CORO2B: variants seen among roughly 807,000 people sequenced by gnomAD.
The protein encoded by CORO2B is coronin 2B, also known as coronin-2B.
A neutral mutation model predicts 58.8 loss-of-function variants in CORO2B; 26 were observed. That is an observed-to-expected ratio of 0.44 (90% CI 0.32 to 0.61). CORO2B has a LOEUF of 0.61. Ranked by LOEUF, CORO2B falls within the 20% of genes least tolerant of loss-of-function variation. CORO2B has a pLI of 0.04. For synonymous variants in CORO2B, 242 were observed against 253.8 expected (o/e 0.95, Z 0.44); for missense variants, 460 against 645.1 (o/e 0.71, Z 3.11).
chr15:68,578,030 C>T (rs1899322732), upstream of CORO2B, among the ~76,000 whole-genome samples: 1 of 152,210 alleles, frequency 6.6e-6, no homozygotes, highest in African/African-American at 2.4e-5. The surrounding 1 kb of genome is among the most constrained non-coding windows in gnomAD (Gnocchi z 4.2). Context: ...TCCACCCTCT[C>T]CGCGGTTCTG....
chr15:68,696,229 G>A (rs1178738104), intron 3 of CORO2B, among the ~76,000 whole-genome samples: 5 of 147,846 alleles, frequency 3.4e-5, no homozygotes, highest in Non-Finnish European at 7.4e-5. Flanking sequence ...CAGCTTGGGT[G>A]ACAGAATGAG....
chr15:68,701,237 C>T (rs1348187719), intron 3 of CORO2B, among the ~76,000 whole-genome samples: 1 of 151,440 alleles, frequency 6.6e-6, no homozygotes, highest in Non-Finnish European at 1.5e-5. Context: ...GCTCAGGAGT[C>T]CCTTAGGCCT....
At chr15:68,694,300 A>G (rs1269617185) in intron 2 of CORO2B, among the ~76,000 whole-genome samples, 1 of 152,230 alleles carries the variant, frequency 6.6e-6, no homozygotes, top group African/African-American at 2.4e-5. Context: ...TCTCTTCACT[A>G]AGTGCTTTGC....
At chr15:68,621,145 C>T (rs1464021569) in intron 1 of CORO2B, among the ~76,000 whole-genome samples, 1 of 152,040 alleles carries the variant, frequency 6.6e-6, no homozygotes, top group Non-Finnish European at 1.5e-5. Context: ...GTGTAGGGAC[C>T]CTCAAGGCCA....
At chr15:68,554,704 C>T in the CORO2B span, among the ~76,000 whole-genome samples, 6 of 152,208 alleles carry the variant, frequency 3.9e-5, no homozygotes, top group Non-Finnish European at 8.8e-5. Context: ...GTTCTCACTT[C>T]ATTATACATG....
At chr15:68,571,318 G>A in the CORO2B span, among the ~76,000 whole-genome samples, 1 of 152,196 alleles carries the variant, frequency 6.6e-6, no homozygotes, top group Non-Finnish European at 1.5e-5. Context: ...GAACTGCAGA[G>A]GCAAGGAGAT....
the CORO2B span, among the ~76,000 whole-genome samples, chr15:68,546,825 C>T: frequency 2.6e-5 from 4 of 152,298 alleles, no homozygotes; most frequent in African/African-American, 9.6e-5. Context: ...CCTCTGTTCA[C>T]TCCATCTCCT....
chr15:68,705,968 C>A (rs1161691650), intron 3 of CORO2B, among the ~76,000 whole-genome samples: 1 of 152,220 alleles, frequency 6.6e-6, no homozygotes, highest in Non-Finnish European at 1.5e-5. Flanking sequence ...CACAGCCCCC[C>A]ATGTGACTCT....
chr15:68,675,495 G>A (rs1902551517), intron 2 of CORO2B, among the ~76,000 whole-genome samples: 2 of 152,186 alleles, frequency 1.3e-5, no homozygotes, highest in Admixed American at 1.3e-4. Flanking sequence ...GAGGTAGGAG[G>A]TGAAGTTGTA....
the CORO2B span, among the ~76,000 whole-genome samples, chr15:68,561,498 A>AG: frequency 7.9e-5 from 12 of 152,100 alleles, no homozygotes; most frequent in African/African-American, 2.9e-4. Flanking sequence ...GGACAGGTAG[A>AG]GGGTCCCCGG....
chr15:68,691,030 T>C (rs1276110216), intron 2 of CORO2B, among the ~76,000 whole-genome samples: 1 of 151,870 alleles, frequency 6.6e-6, no homozygotes, highest in Non-Finnish European at 1.5e-5. Context: ...TTGATGTCTC[T>C]ATAGAAAACT....
At chr15:68,574,893 G>C (rs1005092384), upstream of CORO2B, among the ~76,000 whole-genome samples, 2 of 152,186 alleles carry the variant, frequency 1.3e-5, no homozygotes, top group East Asian at 3.8e-4. Context: ...GGGCCCCAGA[G>C]GCCCAGGAAA....
chr15:68,620,582 A>G (rs999856429), intron 1 of CORO2B, among the ~76,000 whole-genome samples: 3 of 152,256 alleles, frequency 2.0e-5, no homozygotes, highest in Middle Eastern at 3.2e-3. Flanking sequence ...GTCTGCGTTT[A>G]GGGAACACCT....
intron 1 of CORO2B, among the ~76,000 whole-genome samples, chr15:68,627,513 CTT>C (rs889024900): frequency 1.3e-5 from 2 of 152,078 alleles, no homozygotes; most frequent in African/African-American, 4.8e-5. Context: ...TTTGGACTCT[CTT>C]GGGGTTGGGG....
intron 1 of CORO2B, among the ~76,000 whole-genome samples, chr15:68,640,604 G>A (rs1393158669): frequency 6.6e-6 from 1 of 151,968 alleles, no homozygotes; most frequent in African/African-American, 2.4e-5. Flanking sequence ...AGGTTTCACT[G>A]AATCCTAGGT....
intron 2 of CORO2B, among the ~76,000 whole-genome samples, chr15:68,655,742 A>G (rs1479267476): frequency 1.3e-5 from 2 of 152,214 alleles, no homozygotes; most frequent in East Asian, 3.8e-4. Flanking sequence ...GTAATAGTGG[A>G]ATTCCAGTCT....
At chr15:68,643,458 G>A (rs993682772) in intron 1 of CORO2B, among the ~76,000 whole-genome samples, 2 of 152,222 alleles carry the variant, frequency 1.3e-5, no homozygotes, top group Admixed American at 1.3e-4. Context: ...AGACAGTCTG[G>A]AGCAGAACTC....
intron 2 of CORO2B, among the ~76,000 whole-genome samples, chr15:68,677,586 G>T (rs966063291): frequency 6.6e-6 from 1 of 152,212 alleles, no homozygotes; most frequent in African/African-American, 2.4e-5. Context: ...GCTTGGAGAG[G>T]CAAAGGTTAC....
chr15:68,629,095 A>T (rs1900757210), intron 1 of CORO2B, among the ~76,000 whole-genome samples: 1 of 152,244 alleles, frequency 6.6e-6, no homozygotes, highest in Non-Finnish European at 1.5e-5. Context: ...TGGGGGAGCC[A>T]TGGGATCATG....
Sources: gnomAD v4.1 joint callset for allele counts (sites outside exome capture counted in the v4.1 genomes callset) on GRCh38, gnomAD v4.1.1 for gene constraint, Gnocchi (gnomAD v3.1) non-coding constraint, MANE v1.5 for transcripts, NCBI Gene and HGNC (gene_info 2026-07-23, HGNC 2026-07-21) for gene names.